NMRAL1: variants seen among roughly 807,000 people sequenced by gnomAD.
The protein encoded by NMRAL1 is nmrA-like family domain-containing protein 1.
A neutral mutation model predicts 27.5 loss-of-function variants in NMRAL1; 32 were observed. That is an observed-to-expected ratio of 1.16 (90% CI 0.88 to 1.56). NMRAL1 has a LOEUF of 1.56. Among genes scored for constraint, NMRAL1 ranks in the 40% most tolerant of loss-of-function variants. NMRAL1 has a pLI of 0.00. For synonymous variants in NMRAL1, 166 were observed against 166.8 expected, an observed-to-expected ratio of 1.00 and a Z score of 0.04; for missense variants, 420 against 392.0, an observed-to-expected ratio of 1.07 and a Z score of -0.60.
intron 3 of NMRAL1, among the ~76,000 whole-genome samples, chr16:4,468,558 G>A (rs2057417772): frequency 6.6e-6 from 1 of 150,876 alleles, no homozygotes; most frequent in Non-Finnish European, 1.5e-5. Context: ...AGAGGTTGCA[G>A]TGAGCCGAGA....
At chr16:4,463,894 C>T in intron 4 of NMRAL1, 44 bp from the exon 5 acceptor site, 1 of 1,558,476 alleles carries the variant, frequency 6.4e-7, no homozygotes, top group Non-Finnish European at 8.8e-7. Flanking sequence ...CGAGGGCAGA[C>T]AGGGGCAGGG....
At chr16:4,475,124 G>T (rs900126709), upstream of NMRAL1, among the ~76,000 whole-genome samples, 1 of 150,584 alleles carries the variant, frequency 6.6e-6, no homozygotes, top group South Asian at 2.1e-4. Flanking sequence ...GCTAATTTTT[G>T]TATTTTTTAG....
intron 4 of NMRAL1, among the ~76,000 whole-genome samples, chr16:4,465,898 C>T (rs2057303585): frequency 6.6e-6 from 1 of 152,170 alleles, no homozygotes; most frequent in Admixed American, 6.6e-5. Context: ...TAAAGCCTTC[C>T]AATGGACCAA....
intron 5 of NMRAL1, among the ~76,000 whole-genome samples, chr16:4,462,472 C>G (rs1034105263): frequency 7.9e-5 from 12 of 152,128 alleles, no homozygotes; most frequent in African/African-American, 2.9e-4. Context: ...GAGTGAGACC[C>G]TGTCTCAAAA....
At chr16:4,466,919 G>C (rs1310513832) in intron 3 of NMRAL1, 2 of 159,192 alleles carry the variant, frequency 1.3e-5, no homozygotes, top group Non-Finnish European at 2.8e-5. Context: ...AGGTGACGCA[G>C]AGATTCGGAC....
At chr16:4,476,194 C>G (rs1225037128), upstream of NMRAL1, 1 of 152,362 alleles carries the variant, frequency 6.6e-6, no homozygotes, top group East Asian at 1.9e-4. Context: ...CACACCTCGG[C>G]TCTTGTGAAC....
rs2057203605 is a variant in NMRAL1, at chr16:4,463,719, C to T, written c.661G>A (p.Ala221Thr). 2 of 1,613,956 alleles carry T rather than the reference C, an allele frequency of 1.2e-6. No homozygotes were observed. Among genetic ancestry groups the T allele is most frequent in the Non-Finnish European group, 1.7e-6 (2 of 1,180,038 alleles). The change falls in exon 5 of 6, where the codon GCC becomes ACC. Residue 221 changes from alanine (A) to threonine (T), a missense_variant. By Grantham distance (58) the Ala-to-Thr change is moderately conservative. Transcript: ENST00000283429. Reference sequence around the variant, plus strand: ...GTGAGCAGGGCAGCGTACTCCTCGGCCGTGTGCCTGCAAGTGCTCAGCCCG... The same window carrying T: ...GTGAGCAGGGCAGCGTACTCCTCGGTCGTGTGCCTGCAAGTGCTCAGCCCG... ...NIGLSTCRHT[A>T]EEYAALLTKH...
intron 2 of NMRAL1, among the ~76,000 whole-genome samples, chr16:4,470,427 G>T (rs928174925): frequency 6.6e-5 from 10 of 152,026 alleles, no homozygotes; most frequent in Admixed American, 6.6e-4. Flanking sequence ...CCGAGATCGC[G>T]CCATTGCACT....
rs766463471 is a variant in NMRAL1, at chr16:4,469,320, C to T, written c.186G>A (p.Gln62=). The stretch of plus-strand genomic sequence containing the variant: ...CATTCAGGGCCAGCTCCATGATGAC[C>T]TGGTCATCTTGGTCTCCCTGCACTA... ...AEVVQGDQDD[Q]VIMELALNGA... The change falls in exon 3 of 6, where the codon CAG becomes CAA. Residue 62 remains glutamine, a synonymous_variant. Coordinates refer to ENST00000283429, the MANE Select transcript of NMRAL1 (RefSeq NM_020677.6). 1.2e-6 allele frequency: 2 copies of T among 1,614,196 alleles called. No individual in the cohort carries two copies. The highest frequency in any genetic ancestry group is 1.7e-6 in the Non-Finnish European group (2 of 1,180,014).
At chr16:4,466,594 G>A (rs903233114) in intron 3 of NMRAL1, 192 bp from the exon 4 acceptor site, 66 of 605,852 alleles carry the variant, frequency 1.1e-4, no homozygotes, top group Admixed American at 2.7e-4. Context: ...CACAGCCCCG[G>A]AAGCCTTCTA....
rs1302119040 is a variant in NMRAL1, at chr16:4,461,702, C to A, written c.*78G>T. 1.3e-5 allele frequency: 18 copies of A among 1,355,004 alleles called. No homozygotes were observed. The highest frequency in any genetic ancestry group is 1.6e-5 in the Non-Finnish European group (16 of 988,718). 83.9% of individuals were successfully genotyped at this position (1,355,004 alleles called of 1,614,324 possible). On this transcript the variant is annotated 3_prime_UTR_variant, in exon 6 of 6. Coordinates refer to ENST00000283429, the MANE Select transcript of NMRAL1 (RefSeq NM_020677.6). ...TTCTCCTGGAAGCCATCTGGGAGAA[C>A]AATGGCTTTATTCAGATGTTGGTGC...
In NMRAL1 at chr16:4,474,183, G is replaced by A. The variant is rs779207262; in HGVS notation, c.-34-17C>T. 3 of 1,589,994 alleles carry A rather than the reference G, an allele frequency of 1.9e-6. No individual in the cohort carries two copies. The highest frequency in any genetic ancestry group is 1.3e-5 in the African/African-American group (1 of 74,384). On this transcript the variant is annotated splice_polypyrimidine_tract_variant and intron_variant, in intron 1 of 5. Coordinates refer to ENST00000283429, the MANE Select transcript of NMRAL1 (RefSeq NM_020677.6). Reference sequence around the variant, plus strand: ...TCCAGAGATCTGGGGGTAATGGGAGGCGTGGAGTTGGGGGTGGGGCCGGGG... The same window carrying A: ...TCCAGAGATCTGGGGGTAATGGGAGACGTGGAGTTGGGGGTGGGGCCGGGG...
intron 4 of NMRAL1, among the ~76,000 whole-genome samples, chr16:4,464,575 C>T (rs988430146): frequency 4.6e-5 from 7 of 150,864 alleles, no homozygotes; most frequent in South Asian, 2.1e-4. Flanking sequence ...GGGCACAGAG[C>T]GCACAGACCG....
In NMRAL1 at chr16:4,466,152, C is replaced by G; in HGVS notation, c.529+1G>C. ...CACCGTGTGCGAGAAAGGGCACTTA[C>G]TCAGCAAGTAGCTCTTTCCGTCTGG... On this transcript the variant is annotated splice_donor_variant, in intron 4 of 5. Transcript: ENST00000283429. LOFTEE classifies it high-confidence loss of function. 2 of 1,614,110 alleles carry G rather than the reference C, an allele frequency of 1.2e-6. No homozygotes were observed. Among genetic ancestry groups the G allele is most frequent in the Non-Finnish European group, 1.7e-6 (2 of 1,179,982 alleles).
At chr16:4,466,440 G>GGAGAGATCAC in intron 3 of NMRAL1, 38 bp from the exon 4 acceptor site, 1 of 1,598,288 alleles carries the variant, frequency 6.3e-7, no homozygotes, top group Non-Finnish European at 8.5e-7. Flanking sequence ...AGGCTCAGAA[G>GGAGAGATCAC]AAGGATGTCT....
intron 4 of NMRAL1, chr16:4,464,161 A>G (rs1014618094): frequency 2.2e-6 from 1 of 446,680 alleles, no homozygotes; most frequent in African/African-American, 2.1e-5. Flanking sequence ...CGCTAGGATG[A>G]CAGAGAAGGG....
Position 4,461,775 on chromosome 16 carries a change from G to A in NMRAL1, c.*5C>T. The A allele has an allele frequency of 1.2e-6, 2 of 1,604,456 alleles. No homozygotes were observed. The highest frequency in any genetic ancestry group is 8.5e-7 in the Non-Finnish European group (1 of 1,175,490). On this transcript the variant is annotated 3_prime_UTR_variant, in exon 6 of 6. Transcript: ENST00000283429. ...ATCCCCACAAGGGGCCGCGAGGCGG[G>A]CAGGTCACAGCAGGTTGAAGTCCCC... is the stretch of plus-strand genomic sequence containing the variant.
chr16:4,464,144 C>G, intron 4 of NMRAL1: 1 of 489,108 alleles, frequency 2.0e-6, no homozygotes, highest in South Asian at 3.1e-5. Flanking sequence ...CTGCCCAGCT[C>G]TCTCAGCGCT....
upstream of NMRAL1, chr16:4,476,231 A>G (rs2057826083): frequency 6.6e-6 from 1 of 152,278 alleles, no homozygotes; most frequent in Non-Finnish European, 1.5e-5. Flanking sequence ...AAGCACGCCT[A>G]CTTACCCCGC....
Sources: gnomAD v4.1 joint callset for allele counts (sites outside exome capture counted in the v4.1 genomes callset) on GRCh38, gnomAD v4.1.1 for gene constraint, MANE v1.5 for transcripts, NCBI Gene and HGNC (gene_info 2026-07-23, HGNC 2026-07-21) for gene names.